REPS1: variants seen among roughly 807,000 people sequenced by gnomAD.
REPS1 encodes ralBP1-associated Eps domain-containing protein 1.
A neutral mutation model predicts 100.9 loss-of-function variants in REPS1; 39 were observed. That is an observed-to-expected ratio of 0.39 (90% CI 0.30 to 0.50). REPS1 has a LOEUF of 0.50. REPS1 is among the 20% of genes least tolerant of loss of function. The pLI is 0.86. For missense variants in REPS1, 821 were observed against 968.5 expected, an observed-to-expected ratio of 0.85 and a Z score of 2.02; for synonymous variants, 324 against 340.3, an observed-to-expected ratio of 0.95 and a Z score of 0.53.
chr6:138,988,229 C>A lies in REPS1; in HGVS notation c.-547G>T. 1 of 398,524 alleles carries A rather than the reference C, an allele frequency of 2.5e-6. No individual in the cohort carries two copies. The highest frequency in any genetic ancestry group is 2.1e-5 in the African/African-American group (1 of 48,730). 24.7% of individuals were successfully genotyped at this position (398,524 alleles called of 1,614,324 possible). A position where few individuals can be genotyped will look rare whatever the true frequency, so the allele number is the denominator to read the frequency against. ...CCATTTACAGTGCCCCGGCCCGGCC[C>A]CGACGCGCCCGCACCAACAGTGACA... is the stretch of plus-strand genomic sequence containing the variant. On this transcript the variant is annotated 5_prime_UTR_variant, in exon 1 of 20. Transcript: ENST00000450536.
intron 19 of REPS1, among the ~76,000 whole-genome samples, chr6:138,905,485 G>T (rs1206951737): frequency 6.8e-6 from 1 of 146,882 alleles, no homozygotes. Context: ...TAGAGACGGG[G>T]TTTCACCTTG....
chr6:138,914,127 T>C (rs1463101140), intron 15 of REPS1, among the ~76,000 whole-genome samples: 1 of 152,148 alleles, frequency 6.6e-6, no homozygotes, highest in Non-Finnish European at 1.5e-5. Flanking sequence ...TGGAGTGCAG[T>C]GGTGCAATTA....
intron 1 of REPS1, among the ~76,000 whole-genome samples, chr6:138,985,953 TTGAAGG>T (rs1785235376): frequency 6.6e-6 from 1 of 152,340 alleles, no homozygotes; most frequent in South Asian, 2.1e-4. Flanking sequence ...AGATCCTAAC[TTGAAGG>T]TATACTTTGT....
At chr6:138,906,560 G>A (rs1582690259) in intron 19 of REPS1, among the ~76,000 whole-genome samples, 3 of 152,220 alleles carry the variant, frequency 2.0e-5, no homozygotes, top group Admixed American at 6.5e-5. Context: ...TAGTAGGACA[G>A]AGAGACAAAT....
At chr6:138,946,007 A>G (rs1390411898) in intron 2 of REPS1, among the ~76,000 whole-genome samples, 1 of 152,150 alleles carries the variant, frequency 6.6e-6, no homozygotes, top group Non-Finnish European at 1.5e-5. Context: ...TAACCACAGT[A>G]CCCCTGCAAA....
At chr6:138,920,915 C>A in intron 11 of REPS1, 122 bp downstream of exon 11, 2 of 684,452 alleles carry the variant, frequency 2.9e-6, no homozygotes, top group Non-Finnish European at 5.1e-6. Context: ...TGAACATATA[C>A]ATAATTGTAG....
At chr6:138,916,156 C>A in intron 13 of REPS1, 180 bp from the exon 14 acceptor site, 1 of 501,124 alleles carries the variant, frequency 2.0e-6, no homozygotes, top group Non-Finnish European at 3.6e-6. Context: ...CCCTAAACAA[C>A]TGATTATTTT....
Position 138,945,553 on chromosome 6 carries a change from T to C in REPS1, c.422A>G (p.Lys141Arg). ...PPPPGRGQVK[K>R]GSVSHDTVQP... Reference sequence around the variant, plus strand: ...AACCGTATCATGGCTTACGGATCCCTTTTTCACTTGCCCCCTGCCAGGTGG... The same window carrying C: ...AACCGTATCATGGCTTACGGATCCCCTTTTCACTTGCCCCCTGCCAGGTGG... Residue 141 changes from lysine (K) to arginine (R), a missense_variant, in exon 3 of 20, where the codon AAG becomes AGG. Lys to Arg is a conservative substitution (Grantham distance 26). This residue lies in a region of REPS1 where 757 missense variants were observed against 866.4 expected (regional missense o/e 0.87). Coordinates refer to ENST00000450536, the MANE Select transcript of REPS1 (RefSeq NM_001286611.2). 1 of 1,608,564 alleles carries C rather than the reference T, an allele frequency of 6.2e-7. No homozygotes were observed. Among genetic ancestry groups the C allele is most frequent in the Non-Finnish European group, 8.5e-7 (1 of 1,177,886 alleles).
chr6:138,924,201 T>TA (rs1780957460), intron 10 of REPS1, among the ~76,000 whole-genome samples: 2 of 152,294 alleles, frequency 1.3e-5, no homozygotes, highest in East Asian at 3.9e-4. Context: ...CAACATAAAA[T>TA]AAATATTTCT....
At chr6:138,937,821 G>C (rs1378062272) in intron 8 of REPS1, among the ~76,000 whole-genome samples, 1 of 152,190 alleles carries the variant, frequency 6.6e-6, no homozygotes, top group East Asian at 1.9e-4. Context: ...GCTAGGCACT[G>C]AGATATAATG....
chr6:138,982,030 T>C (rs1001627827), intron 1 of REPS1, among the ~76,000 whole-genome samples: 2 of 152,338 alleles, frequency 1.3e-5, no homozygotes, highest in Non-Finnish European at 2.9e-5. Flanking sequence ...TCACAAACAG[T>C]ATCTTTTTCA....
At chr6:138,910,465 C>G (rs375998283) in intron 17 of REPS1, among the ~76,000 whole-genome samples, 1 of 152,038 alleles carries the variant, frequency 6.6e-6, no homozygotes, top group African/African-American at 2.4e-5. Flanking sequence ...GCGATCCCCC[C>G]ACTTCAGCCT....
chr6:138,915,863 G>A lies in REPS1; in HGVS notation c.1715C>T (p.Thr572Ile). The A allele has an allele frequency of 6.3e-7, 1 of 1,599,398 alleles. No homozygotes were observed. The highest frequency in any genetic ancestry group is 8.6e-7 in the Non-Finnish European group (1 of 1,166,688). Reference protein sequence around the residue: ...SLDMNRTFTVTTGQQQAGVVA... With the variant: ...SLDMNRTFTVITGQQQAGVVA... ...TATGGTTCTCTAGCCCCTACCTGTG[G>A]TGACTGTAAAGGTCCGATTCATATC... is the stretch of plus-strand genomic sequence containing the variant. The change falls in exon 14 of 20, where the codon ACC becomes ATC. Residue 572 changes from threonine to isoleucine, a missense_variant. This residue lies in a region of REPS1 where 757 missense variants were observed against 866.4 expected (regional missense o/e 0.87). Transcript: ENST00000450536.
rs989916250 is a variant in REPS1 at position 138,943,476 on chromosome 6, C to A, written c.980+37G>T. ...CTATCTGCTAGAAACTCCTTGGAAG[C>A]AACCCAGTTACCCAACTAATGATAT... On this transcript the variant is annotated intron_variant, in intron 7 of 19. Transcript: ENST00000450536. 2.3e-6 allele frequency: 3 copies of A among 1,324,286 alleles called. No homozygotes were observed. The Admixed American group carries it at 5.5e-5, about 24-fold the overall frequency. 82.0% of individuals were successfully genotyped at this position (1,324,286 alleles called of 1,614,324 possible).
At chr6:138,973,524 A>G (rs1784443864) in intron 1 of REPS1, among the ~76,000 whole-genome samples, 3 of 144,726 alleles carry the variant, frequency 2.1e-5, no homozygotes, top group Admixed American at 2.1e-4. Context: ...GGAATCAGTC[A>G]AAGTCTGAAT....
intron 8 of REPS1, among the ~76,000 whole-genome samples, chr6:138,932,346 G>A (rs1781535453): frequency 6.6e-6 from 1 of 152,150 alleles, no homozygotes; most frequent in Admixed American, 6.5e-5. Context: ...GACCTGAAAG[G>A]TGAAAACTAT....
At chr6:138,971,659 G>C (rs1385397745) in intron 1 of REPS1, among the ~76,000 whole-genome samples, 1 of 152,188 alleles carries the variant, frequency 6.6e-6, no homozygotes, top group Non-Finnish European at 1.5e-5. Context: ...GCAATGTCTT[G>C]TCAGCAAAGC....
intron 1 of REPS1, among the ~76,000 whole-genome samples, chr6:138,954,887 T>TA (rs1326902384): frequency 6.6e-6 from 1 of 152,182 alleles, no homozygotes; most frequent in Admixed American, 6.5e-5. Flanking sequence ...GCACACATAA[T>TA]ACATACATCT....
rs775984701 is a variant in REPS1, at chr6:138,911,397, T to C, written c.1972-26A>G. 9.4e-6 allele frequency: 13 copies of C among 1,382,208 alleles called. No homozygotes were observed. In the Admixed American group the frequency reaches 2.0e-4, roughly 22 times the overall value. The allele number at this position is 1,382,208 out of a possible 1,614,324, so 85.6% of individuals were successfully genotyped here. The stretch of plus-strand genomic sequence containing the variant: ...CTAAAAATGAATATGTTTATCACTA[T>C]TAATTCTACATAACATGTAATTATG... On this transcript the variant is annotated intron_variant, in intron 16 of 19. Transcript: ENST00000450536.
Sources: gnomAD v4.1 joint callset for allele counts (sites outside exome capture counted in the v4.1 genomes callset) on GRCh38, gnomAD v4.1.1 for gene constraint, gnomAD v4.1.1 regional missense constraint, MANE v1.5 for transcripts, NCBI Gene and HGNC (gene_info 2026-07-23, HGNC 2026-07-21) for gene names.